TADA1: variants seen among roughly 807,000 people sequenced by gnomAD.
The protein encoded by TADA1 is transcriptional adaptor 1.
A neutral mutation model predicts 39.3 loss-of-function variants in TADA1; 23 were observed. That is an observed-to-expected ratio of 0.58 (90% CI 0.42 to 0.83). TADA1 has a LOEUF of 0.83. Ranked by LOEUF, TADA1 falls within the 40% of genes least tolerant of loss-of-function variation. The probability of loss-of-function intolerance (pLI) is 0.00; values close to 1 mark genes in which losing one functional copy is unlikely to be tolerated. For synonymous variants in TADA1, 137 were observed against 151.8 expected (o/e 0.90, Z 0.72); for missense variants, 352 against 408.1 (o/e 0.86, Z 1.18).
Position 166,857,431 on chromosome 1 carries a change from T to C in TADA1, c.*136A>G, listed in dbSNP as rs1389443706. On this transcript the variant is annotated 3_prime_UTR_variant, in exon 8 of 8. Transcript: ENST00000367874. ...ATGGCTTCACAACAGCAACACAAAA[T>C]GTACTCAATGTCACATTTCCATAGG... 7 of 982,392 alleles carry C rather than the reference T, an allele frequency of 7.1e-6. No individual in the cohort carries two copies. The highest frequency in any genetic ancestry group is 5.1e-5 in the East Asian group (2 of 39,126). The allele number at this position is 982,392 out of a possible 1,614,324, so 60.9% of individuals were successfully genotyped here. A position where few individuals can be genotyped will look rare whatever the true frequency, so the allele number is the denominator to read the frequency against.
intron 3 of TADA1, 135 bp from the exon 4 acceptor site, chr1:166,864,056 T>C: frequency 1.5e-6 from 1 of 663,062 alleles, no homozygotes. Flanking sequence ...ATCAAAACCT[T>C]CTCTTTCTAC....
intron 1 of TADA1, among the ~76,000 whole-genome samples, chr1:166,874,738 G>C (rs963610817): frequency 6.6e-6 from 1 of 152,264 alleles, no homozygotes; most frequent in Admixed American, 6.5e-5. Context: ...TGTGTGATCA[G>C]GCCACTGTAC....
At position 166,862,351 on chromosome 1, in the gene TADA1, T is replaced by TGGGGATCCTTTGCCACAAATTGC. The variant is rs1022227095; in HGVS notation, c.369_391dup (p.Gln131ArgfsTer14). On this transcript the variant is annotated frameshift_variant, in exon 5 of 8. Coordinates refer to ENST00000367874, the MANE Select transcript of TADA1 (RefSeq NM_053053.4). LOFTEE classifies it high-confidence loss of function. ...ACAAAGTTTCAAGTCGTCATCATCT[T>TGGGGATCCTTTGCCACAAATTGC]GGGGATCCTTTGCCACAAATTGCTG... is the stretch of plus-strand genomic sequence containing the variant. 6.2e-7 allele frequency: 1 copy of TGGGGATCCTTTGCCACAAATTGC among 1,614,212 alleles called. No homozygotes were observed. Among genetic ancestry groups the TGGGGATCCTTTGCCACAAATTGC allele is most frequent in the Admixed American group, 1.7e-5 (1 of 60,026 alleles).
At chr1:166,863,943 C>A in intron 3 of TADA1, 22 bp from the exon 4 acceptor site, 1 of 1,566,624 alleles carries the variant, frequency 6.4e-7, no homozygotes, top group Non-Finnish European at 8.6e-7. Flanking sequence ...AAATATATAA[C>A]CATAAGTAAA....
rs1239113594 is a variant in TADA1, at chr1:166,857,311, T to C, written c.*256A>G. 3.0e-5 allele frequency: 13 copies of C among 440,320 alleles called. No homozygotes were observed. The East Asian group carries it at 5.2e-4, about 17-fold the overall frequency. 27.3% of individuals were successfully genotyped at this position (440,320 alleles called of 1,614,324 possible). ...ACACTAAGCCTCAGGTACCTAAATA[T>C]CTCCATTCCAGGCACAGGATTTCAT... On this transcript the variant is annotated 3_prime_UTR_variant, in exon 8 of 8. Transcript: ENST00000367874.
intron 6 of TADA1, among the ~76,000 whole-genome samples, chr1:166,858,546 A>T (rs1353267998): frequency 6.6e-6 from 1 of 152,228 alleles, no homozygotes; most frequent in Admixed American, 6.5e-5. Flanking sequence ...TGAAAAAACT[A>T]ACAGACCTTA....
chr1:166,857,302 A>C lies in TADA1; in HGVS notation c.*265T>G. ...GACCACAGGACACTAAGCCTCAGGT[A>C]CCTAAATATCTCCATTCCAGGCACA... On this transcript the variant is annotated 3_prime_UTR_variant, in exon 8 of 8. Transcript: ENST00000367874. 1 of 421,050 alleles carries C rather than the reference A, an allele frequency of 2.4e-6. No homozygotes were observed. 26.1% of individuals were successfully genotyped at this position (421,050 alleles called of 1,614,324 possible).
At position 166,862,263 on chromosome 1, in the gene TADA1, A is replaced by G; in HGVS notation, c.480T>C (p.Tyr160=). 6.2e-7 allele frequency: 1 copy of G among 1,614,144 alleles called. No homozygotes were observed. Among genetic ancestry groups the G allele is most frequent in the Non-Finnish European group, 8.5e-7 (1 of 1,179,998 alleles). The change falls in exon 5 of 8, where the codon TAT becomes TAC. Residue 160 remains tyrosine (Y), a synonymous_variant. Transcript: ENST00000367874. ...QLEGRMIVTA[Y]EHGLDNVTEE... ...CGGTGACATTGTCCAGCCCATGCTC[A>G]TAAGCAGTCACTATCATTCTCCCTT...
rs763915129 is a variant in TADA1, at chr1:166,858,225, G to C, written c.749C>G (p.Pro250Arg). Residue 250 changes from proline (P) to arginine (R), a missense_variant, in exon 7 of 8, where the codon CCT becomes CGT. This residue lies in a region of TADA1 where 285 missense variants were observed against 310.9 expected (regional missense o/e 0.92). Transcript: ENST00000367874. ...TGCAGCCTGCTGCTCAGCATCATCA[G>C]GGGGTGGGTGAGAAGCTGGATTCTG... is the stretch of plus-strand genomic sequence containing the variant. ...AGQNPASHPPPDDAEQQAALL... is the reference protein window; with the variant it reads ...AGQNPASHPPRDDAEQQAALL... 6.2e-7 allele frequency: 1 copy of C among 1,610,884 alleles called. No individual in the cohort carries two copies. The highest frequency in any genetic ancestry group is 8.5e-7 in the Non-Finnish European group (1 of 1,178,922).
intron 6 of TADA1, among the ~76,000 whole-genome samples, chr1:166,859,278 C>A (rs1040608202): frequency 2.0e-4 from 31 of 152,262 alleles, no homozygotes; most frequent in African/African-American, 7.0e-4. Flanking sequence ...CCTTCCCTTC[C>A]TGTTACTTCA....
intron 1 of TADA1, among the ~76,000 whole-genome samples, chr1:166,874,863 GATTTTA>G (rs1276825067): frequency 6.6e-6 from 1 of 152,270 alleles, no homozygotes; most frequent in Non-Finnish European, 1.5e-5. Context: ...TAACAGTTTA[GATTTTA>G]ATTTTAATCT....
rs559342334 is a variant in TADA1 at position 166,858,226 on chromosome 1, G to C, written c.748C>G (p.Pro250Ala). The change falls in exon 7 of 8, where the codon CCT becomes GCT. Residue 250 changes from proline to alanine, a missense_variant. Pro to Ala is a conservative substitution (Grantham distance 27, BLOSUM62 -1). Coordinates refer to ENST00000367874, the MANE Select transcript of TADA1 (RefSeq NM_053053.4). ...AGQNPASHPP[P>A]DDAEQQAALL... The stretch of plus-strand genomic sequence containing the variant: ...GCAGCCTGCTGCTCAGCATCATCAG[G>C]GGGTGGGTGAGAAGCTGGATTCTGA... 38 of 1,611,006 alleles carry C rather than the reference G, an allele frequency of 2.4e-5. No individual in the cohort carries two copies. The highest frequency in any genetic ancestry group is 8.0e-5 in the African/African-American group (6 of 74,818).
At chr1:166,864,071 C>G (rs889555221) in intron 3 of TADA1, 150 bp from the exon 4 acceptor site, 1 of 654,016 alleles carries the variant, frequency 1.5e-6, no homozygotes, top group African/African-American at 1.9e-5. Context: ...TTCTACTTCT[C>G]TAAATAAAAT....
chr1:166,869,548 A>T (rs762932671), intron 2 of TADA1, 38 bp from the exon 3 acceptor site: 1 of 1,603,322 alleles, frequency 6.2e-7, no homozygotes, highest in East Asian at 2.2e-5. Flanking sequence ...AATTCAAAAC[A>T]TTTTCAACAT....
intron 7 of TADA1, 63 bp downstream of exon 7, chr1:166,858,056 A>G (rs1658321674): frequency 6.3e-7 from 1 of 1,581,888 alleles, no homozygotes; most frequent in South Asian, 1.1e-5. Context: ...ATACCTTTGT[A>G]GACTTAAAGA....
At chr1:166,875,983 C>A (rs1172298846) in intron 1 of TADA1, among the ~76,000 whole-genome samples, 177 bp downstream of exon 1, 1 of 152,170 alleles carries the variant, frequency 6.6e-6, no homozygotes, top group Non-Finnish European at 1.5e-5. Context: ...CTCTCCAGGG[C>A]GGTGAGTTCA....
chr1:166,865,836 T>C (rs969505173), intron 3 of TADA1, among the ~76,000 whole-genome samples: 1 of 150,584 alleles, frequency 6.6e-6, no homozygotes, highest in Non-Finnish European at 1.5e-5. Context: ...AAAAGAAAAC[T>C]CAAAAAAATT....
At chr1:166,859,182 T>C (rs1174710748) in intron 6 of TADA1, among the ~76,000 whole-genome samples, 1 of 152,212 alleles carries the variant, frequency 6.6e-6, no homozygotes, top group East Asian at 1.9e-4. Context: ...TTCAGAGTCA[T>C]GAAATGGGCA....
chr1:166,862,101 C>CA, intron 5 of TADA1, 102 bp downstream of exon 5: 1 of 1,134,346 alleles, frequency 8.8e-7, no homozygotes, highest in East Asian at 2.4e-5. Context: ...TCTGTGAAAT[C>CA]AGAGTGACAT....
Sources: gnomAD v4.1 joint callset for allele counts (sites outside exome capture counted in the v4.1 genomes callset) on GRCh38, gnomAD v4.1.1 for gene constraint, gnomAD v4.1.1 regional missense constraint, MANE v1.5 for transcripts, NCBI Gene and HGNC (gene_info 2026-07-23, HGNC 2026-07-21) for gene names.